The following BMX variants were observed in gnomAD, a reference collection of about 807,000 sequenced individuals.
BMX encodes the protein cytoplasmic tyrosine-protein kinase BMX.
A neutral mutation model predicts 59.2 loss-of-function variants in BMX; 31 were observed. The observed-to-expected ratio is 0.52, with a 90% CI of 0.39 to 0.71. The LOEUF (loss-of-function observed/expected upper bound fraction) is 0.71. BMX is among the 30% of genes least tolerant of loss of function. The pLI, the probability that BMX is intolerant of heterozygous loss-of-function variation, is 0.00. For synonymous variants in BMX, 185 were observed against 181.0 expected (o/e 1.02, Z -0.18); for missense variants, 474 against 491.7 (o/e 0.96, Z 0.34).
At chrX:15,507,940 C>T (rs1923802314) in intron 1 of BMX, among the ~76,000 whole-genome samples, 1 of 111,215 alleles carries the variant, frequency 9.0e-6, no homozygotes. Context: ...AAATTACAGG[C>T]CGTTACTTCA....
rs1003271948 is a variant in BMX at position 15,541,154 on chromosome X, T to C, written c.1395-828T>C. 3.6e-5 allele frequency among the ~76,000 whole-genome samples: 4 copies of C among 111,431 alleles called. No homozygotes were observed. The Admixed American group carries it at 3.8e-4, about 11-fold the overall frequency. Reference sequence around the variant, plus strand: ...TGATTTCTTTTAAGCTCTAGGCTAGTACAAAATTTAAGATTGATATTACTT... The same window carrying C: ...TGATTTCTTTTAAGCTCTAGGCTAGCACAAAATTTAAGATTGATATTACTT... On this transcript the variant is annotated intron_variant, in intron 14 of 18. Transcript: ENST00000348343.
chrX:15,526,937 C>T (rs1276772045), intron 9 of BMX, among the ~76,000 whole-genome samples: 2 of 109,267 alleles, frequency 1.8e-5, no homozygotes, highest in Admixed American at 9.8e-5. Flanking sequence ...AGAAAAAGTG[C>T]ACTATTAAAA....
At chrX:15,555,894 G>A (rs1298700860) in intron 18 of BMX, among the ~76,000 whole-genome samples, 179 bp from the exon 19 acceptor site, 1 of 112,297 alleles carries the variant, frequency 8.9e-6, no homozygotes, top group East Asian at 2.8e-4. Flanking sequence ...ATAATGTTAA[G>A]AGTGATTATT....
chrX:15,508,696 T>C (rs1923834418), intron 2 of BMX, among the ~76,000 whole-genome samples: 2 of 112,310 alleles, frequency 1.8e-5, no homozygotes, highest in East Asian at 2.8e-4. Context: ...TTAACTTTAC[T>C]AAGGCAAATT....
At chrX:15,503,590 G>A (rs756771568) in intron 1 of BMX, among the ~76,000 whole-genome samples, 3 of 111,928 alleles carry the variant, frequency 2.7e-5, no homozygotes, top group Non-Finnish European at 5.6e-5. Flanking sequence ...AGGCTGCTGG[G>A]GCTCAGTGTT....
At position 15,542,155 on chromosome X, in the gene BMX, G is replaced by T; in HGVS notation, c.1568G>T (p.Gly523Val). 8.3e-7 allele frequency: 1 copy of T among 1,211,349 alleles called. No homozygotes were observed. The highest frequency in any genetic ancestry group is 3.0e-5 in the East Asian group (1 of 33,832). ...GAAATGTGCTACGATGTCTGTGAAG[G>T]CATGGCCTTCTTGGAGAGTCACCAA... ...LLEMCYDVCE[G>V]MAFLESHQFI... The change falls in exon 15 of 19, where the codon GGC (glycine) becomes GTC (valine). Residue 523 changes from glycine to valine, a missense_variant. Coordinates refer to ENST00000348343, the MANE Select transcript of BMX (RefSeq NM_203281.3).
In BMX at chrX:15,534,352, A is replaced by G; in HGVS notation, c.1147+13A>G. 3 of 1,152,057 alleles carry G rather than the reference A, an allele frequency of 2.6e-6. No individual in the cohort carries two copies. In the Admixed American group the frequency reaches 8.1e-5, roughly 31 times the overall value. The allele number at this position is 1,152,057 out of a possible 1,213,427, so 94.9% of individuals were successfully genotyped here. On this transcript the variant is annotated intron_variant, in intron 12 of 18. Coordinates refer to ENST00000348343, the MANE Select transcript of BMX (RefSeq NM_203281.3). ...CACAATTCAGCAGGTAACTTATTTT[A>G]GTTTTTCTTTTATGGGCCCTTGTTG...
At chrX:15,501,065 C>T in intron 1 of BMX, 125 bp downstream of exon 1, 1 of 549,165 alleles carries the variant, frequency 1.8e-6, no homozygotes, top group Non-Finnish European at 2.2e-6. Flanking sequence ...AATAGTACAA[C>T]ATTTTTAATA....
intron 1 of BMX, among the ~76,000 whole-genome samples, chrX:15,505,007 T>A (rs1923689220): frequency 8.9e-6 from 1 of 112,379 alleles, no homozygotes; most frequent in Admixed American, 9.4e-5. Flanking sequence ...TAAATAAGCA[T>A]AAGAAGAGCA....
At chrX:15,516,083 G>A (rs777271438) in intron 4 of BMX, 29 bp from the exon 5 acceptor site, 4 of 1,201,292 alleles carry the variant, frequency 3.3e-6, no homozygotes, top group African/African-American at 3.5e-5. Flanking sequence ...GTTTGCTAAC[G>A]TCTTGTTTTC....
chrX:15,509,277 G>A (rs1438787317), intron 2 of BMX, 52 bp from the exon 3 acceptor site: 7 of 959,406 alleles, frequency 7.3e-6, no homozygotes. Context: ...GCCTTTCCTT[G>A]TGCACCATGA....
At chrX:15,507,366 A>T (rs1011378421) in intron 1 of BMX, 1 of 754,011 alleles carries the variant, frequency 1.3e-6, no homozygotes, top group Admixed American at 8.6e-5. Flanking sequence ...TTGAGAGTCA[A>T]AGTTAAGGAC....
intron 16 of BMX, among the ~76,000 whole-genome samples, chrX:15,545,372 C>T (rs762428388): frequency 8.9e-6 from 1 of 112,686 alleles, no homozygotes; most frequent in South Asian, 3.6e-4. Context: ...GGGTTTCATA[C>T]ATTGGCATAA....
chrX:15,536,942 C>G (rs1002429327), intron 13 of BMX, among the ~76,000 whole-genome samples, 192 bp from the exon 14 acceptor site: 1 of 110,689 alleles, frequency 9.0e-6, no homozygotes, highest in Admixed American at 9.7e-5. Context: ...ATAGTGTTAC[C>G]CTGGTGCCAT....
intron 18 of BMX, among the ~76,000 whole-genome samples, chrX:15,552,409 C>A (rs1926241166): frequency 8.9e-6 from 1 of 112,044 alleles, no homozygotes; most frequent in Admixed American, 9.5e-5. Context: ...GAGGTTTCTA[C>A]CACACTTTTG....
At chrX:15,501,603 C>T (rs748100274) in intron 1 of BMX, among the ~76,000 whole-genome samples, 4 of 111,594 alleles carry the variant, frequency 3.6e-5, no homozygotes, top group Non-Finnish European at 7.5e-5. Flanking sequence ...TTCCTGTGCA[C>T]GTGGATCACC....
intron 3 of BMX, among the ~76,000 whole-genome samples, chrX:15,509,883 A>G (rs761664715): frequency 1.8e-5 from 2 of 111,827 alleles, no homozygotes; most frequent in Admixed American, 9.4e-5. Flanking sequence ...AGGATGTGGA[A>G]GTTTCATTCC....
rs756188235 is a variant in BMX at position 15,548,106 on chromosome X, T to A, written c.1795+1185T>A. Among the ~76,000 whole-genome samples the A allele has an allele frequency of 3.8e-4, 43 of 112,277 alleles. 1 individual carries two copies. The highest frequency in any genetic ancestry group is 6.6e-4 in the Non-Finnish European group (35 of 53,229). ...AAGAAAAAAAATCACAAAGATAGCA[T>A]TTTGGTGAATACTTGATGCCATGTT... On this transcript the variant is annotated intron_variant, in intron 17 of 18. Transcript: ENST00000348343.
At position 15,517,922 on chromosome X, in the gene BMX, T is replaced by A; in HGVS notation, c.446-7T>A. On this transcript the variant is annotated splice_region_variant and splice_polypyrimidine_tract_variant and intron_variant, in intron 5 of 18. Coordinates refer to ENST00000348343, the MANE Select transcript of BMX (RefSeq NM_203281.3). Reference sequence around the variant, plus strand: ...TCCTTCTGATATTACTTTGTTTTAATGTTCAGATGCTAATCTGCATACTGC... The same window carrying A: ...TCCTTCTGATATTACTTTGTTTTAAAGTTCAGATGCTAATCTGCATACTGC... 1.7e-6 allele frequency: 2 copies of A among 1,197,033 alleles called. No homozygotes were observed. Among genetic ancestry groups the A allele is most frequent in the Non-Finnish European group, 2.3e-6 (2 of 884,664 alleles).
Sources: allele counts gnomAD v4.1 joint callset (sites outside exome capture counted in the v4.1 genomes callset), GRCh38; gene constraint gnomAD v4.1.1; transcripts MANE v1.5; gene names NCBI Gene and HGNC (gene_info 2026-07-23, HGNC 2026-07-21).